The following LCORL variants were observed in gnomAD, a reference collection of about 807,000 sequenced individuals.
LCORL encodes the protein ligand-dependent nuclear receptor corepressor-like protein.
LCORL carries 41 observed loss-of-function variants against 141.8 expected under a neutral mutation model. That is an observed-to-expected ratio of 0.29 (90% CI 0.23 to 0.38). The LOEUF (loss-of-function observed/expected upper bound fraction) is 0.38. Ranked by LOEUF, LCORL falls within the 10% of genes least tolerant of loss-of-function variation. The pLI is 1.00. For synonymous variants in LCORL, 618 were observed against 694.1 expected (o/e 0.89, Z 1.72); for missense variants, 1,759 against 2,035.0 (o/e 0.86, Z 2.61).
At chr4:17,975,958 GCT>G (rs754368454) in intron 1 of LCORL, among the ~76,000 whole-genome samples, 2 of 151,984 alleles carry the variant, frequency 1.3e-5, no homozygotes, top group African/African-American at 4.8e-5. Flanking sequence ...CAATTTTGAT[GCT>G]CTGTTATTGG....
chr4:18,006,617 G>C (rs1372065993), intron 1 of LCORL, among the ~76,000 whole-genome samples: 2 of 152,158 alleles, frequency 1.3e-5, no homozygotes, highest in Non-Finnish European at 2.9e-5. Context: ...AAAGTGAAAG[G>C]CACATCTCAG....
chr4:17,966,192 C>T (rs1055205549), intron 2 of LCORL, among the ~76,000 whole-genome samples: 3 of 151,858 alleles, frequency 2.0e-5, no homozygotes, highest in Middle Eastern at 3.4e-3. Flanking sequence ...TATTTTATGC[C>T]GCTTAAAAAA....
chr4:17,939,992 GCATATATA>G (rs1205304338), intron 4 of LCORL, among the ~76,000 whole-genome samples: 6 of 148,574 alleles, frequency 4.0e-5, no homozygotes. Context: ...TACTATATAT[GCATATATA>G]CACTATATGG....
At chr4:17,889,829 G>C (rs193154967) in intron 5 of LCORL, among the ~76,000 whole-genome samples, 2 of 152,068 alleles carry the variant, frequency 1.3e-5, no homozygotes, top group Non-Finnish European at 2.9e-5. Flanking sequence ...GATATAACTA[G>C]ATTTTGTGTG....
At chr4:17,843,617 G>GTAT (rs1553852476) in exon 8 of LCORL, 6 of 459,412 alleles carry the variant, frequency 1.3e-5, no homozygotes, top group Admixed American at 3.6e-5. Context: ...GAAAAAGTGT[G>GTAT]CATCAGTCAG....
intron 1 of LCORL, among the ~76,000 whole-genome samples, chr4:18,001,646 C>A (rs1441830491): frequency 9.2e-5 from 14 of 152,252 alleles, no homozygotes; most frequent in Admixed American, 6.5e-5. Context: ...CAGAGAAAGG[C>A]ACAGATCTGG....
At chr4:17,955,575 T>C (rs934676993) in intron 4 of LCORL, among the ~76,000 whole-genome samples, 1 of 152,100 alleles carries the variant, frequency 6.6e-6, no homozygotes, top group Non-Finnish European at 1.5e-5. Context: ...GTGATTGTTC[T>C]ATAAAAAGGA....
intron 6 of LCORL, among the ~76,000 whole-genome samples, chr4:17,885,509 A>C (rs753522578): frequency 9.7e-4 from 148 of 151,876 alleles, no homozygotes; most frequent in Non-Finnish European, 1.6e-3. Flanking sequence ...AAAAGTTGTA[A>C]AAAAAAATCC....
At chr4:17,993,686 GT>G (rs1364407616) in intron 1 of LCORL, among the ~76,000 whole-genome samples, 1 of 152,170 alleles carries the variant, frequency 6.6e-6, no homozygotes, top group Admixed American at 6.6e-5. Context: ...ACCATGGAAA[GT>G]CTTGAAGAAG....
At chr4:17,935,432 C>T (rs1168015976) in intron 4 of LCORL, among the ~76,000 whole-genome samples, 1 of 152,080 alleles carries the variant, frequency 6.6e-6, no homozygotes, top group Non-Finnish European at 1.5e-5. Context: ...GAAATGTGAC[C>T]TTCAATGTTG....
chr4:17,866,103 T>C (rs1313108548), intron 7 of LCORL, among the ~76,000 whole-genome samples: 1 of 152,164 alleles, frequency 6.6e-6, no homozygotes, highest in African/African-American at 2.4e-5. Context: ...CATCTCCTTC[T>C]TTCTTGACTA....
intron 4 of LCORL, among the ~76,000 whole-genome samples, chr4:17,942,598 G>C (rs1430333335): frequency 2.0e-5 from 3 of 152,102 alleles, no homozygotes; most frequent in African/African-American, 7.2e-5. Flanking sequence ...GTTTCAACTA[G>C]AGATCATCTT....
At chr4:17,877,633 T>G in exon 7 of LCORL, 2 of 1,230,622 alleles carry the variant, frequency 1.6e-6, no homozygotes, top group East Asian at 6.3e-5. Context: ...TCTTTCAATT[T>G]TTCAAATCCT....
At chr4:17,900,078 A>G (rs1346505649) in intron 5 of LCORL, among the ~76,000 whole-genome samples, 1 of 152,124 alleles carries the variant, frequency 6.6e-6, no homozygotes, top group East Asian at 1.9e-4. Flanking sequence ...AGAGGACACT[A>G]ATTTCTTTTT....
Position 17,916,640 on chromosome 4 carries a change from T to C in LCORL, c.431-7295A>G, listed in dbSNP as rs564835336. Among the ~76,000 whole-genome samples, 155 of 147,902 alleles carry C rather than the reference T, an allele frequency of 1.0e-3. 1 individual carries two copies. The highest frequency in any genetic ancestry group is 3.4e-3 in the African/African-American group (135 of 39,562). ...AGCATGAAAGCATGAGCCAATTAAA[T>C]GTCTTTTTTTTTTTTTTTTTTTTTT... On this transcript the variant is annotated intron_variant, in intron 4 of 7. Coordinates refer to ENST00000635767, the Ensembl canonical transcript of LCORL.
chr4:17,842,045 T>A, exon 8 of LCORL: 1 of 364,580 alleles, frequency 2.7e-6, no homozygotes, highest in Non-Finnish European at 5.1e-6. Flanking sequence ...GAACTAAAAT[T>A]TGCCTTCTTT....
chr4:18,012,909 T>C (rs1230699447), intron 1 of LCORL, among the ~76,000 whole-genome samples: 1 of 152,226 alleles, frequency 6.6e-6, no homozygotes. Flanking sequence ...ACCCCAGATG[T>C]CTCCAATTAC....
intron 4 of LCORL, among the ~76,000 whole-genome samples, chr4:17,931,664 A>C (rs1736062935): frequency 6.6e-6 from 1 of 152,108 alleles, no homozygotes; most frequent in South Asian, 2.1e-4. Context: ...ATTATAATGA[A>C]AAAATGCTTT....
intron 1 of LCORL, among the ~76,000 whole-genome samples, chr4:17,997,755 T>C (rs529822184): frequency 4.7e-5 from 7 of 149,110 alleles, no homozygotes; most frequent in Non-Finnish European, 8.9e-5. Flanking sequence ...AAGAGGATGG[T>C]AGAAGGTATA....
Sources: gnomAD v4.1 joint callset for allele counts (sites outside exome capture counted in the v4.1 genomes callset) on GRCh38, gnomAD v4.1.1 for gene constraint, MANE v1.5 for transcripts, NCBI Gene and HGNC (gene_info 2026-07-23, HGNC 2026-07-21) for gene names.